HSD17B2: variants seen among roughly 807,000 people sequenced by gnomAD.
HSD17B2 encodes the protein hydroxysteroid 17-beta dehydrogenase 2.
A neutral mutation model predicts 26.9 loss-of-function variants in HSD17B2; 32 were observed. The observed-to-expected ratio is 1.19, with a 90% confidence interval of 0.90 to 1.60. HSD17B2 has a LOEUF of 1.60. HSD17B2 is among the 40% of genes most tolerant of loss of function. The probability of loss-of-function intolerance (pLI) is 0.00; values close to 1 mark genes in which losing one functional copy is unlikely to be tolerated. For synonymous variants in HSD17B2, 246 were observed against 186.7 expected, an observed-to-expected ratio of 1.32 and a Z score of -2.59; for missense variants, 613 against 468.6, an observed-to-expected ratio of 1.31 and a Z score of -2.85.
At chr16:82,084,471 T>C (rs1288276463) in intron 3 of HSD17B2, among the ~76,000 whole-genome samples, 2 of 152,160 alleles carry the variant, frequency 1.3e-5, no homozygotes, top group South Asian at 2.1e-4. Flanking sequence ...TACTGGTATA[T>C]AGGAAATATC....
At chr16:82,079,686 C>G (rs1209424799) in intron 3 of HSD17B2, among the ~76,000 whole-genome samples, 1 of 152,094 alleles carries the variant, frequency 6.6e-6, no homozygotes, top group Non-Finnish European at 1.5e-5. Flanking sequence ...GGCTCTCTAG[C>G]ACTTACTGGA....
intron 1 of HSD17B2, among the ~76,000 whole-genome samples, chr16:82,061,180 C>A (rs1042451653): frequency 6.6e-6 from 1 of 151,896 alleles, no homozygotes; most frequent in Non-Finnish European, 1.5e-5. Context: ...ATTGCTTGAA[C>A]CCAGGAGGCA....
At chr16:82,051,101 T>A (rs559844283) in intron 1 of HSD17B2, among the ~76,000 whole-genome samples, 16 of 152,338 alleles carry the variant, frequency 1.1e-4, no homozygotes, top group African/African-American at 3.6e-4. Flanking sequence ...TCAATCTTCA[T>A]ATCCTATTTG....
chr16:82,050,928 A>G (rs1914087658), intron 1 of HSD17B2, among the ~76,000 whole-genome samples: 1 of 152,224 alleles, frequency 6.6e-6, no homozygotes, highest in Non-Finnish European at 1.5e-5. Flanking sequence ...ACTGGATGAC[A>G]CAATAATCTG....
Position 82,068,107 on chromosome 16 carries a change from G to C in HSD17B2, c.266-63G>C, listed in dbSNP as rs1458049780. 4 of 1,370,736 alleles carry C rather than the reference G, an allele frequency of 2.9e-6. No homozygotes were observed. The African/African-American group carries it at 4.3e-5, about 15-fold the overall frequency. The allele number at this position is 1,370,736 out of a possible 1,614,324, so 84.9% of individuals were successfully genotyped here. A position where few individuals can be genotyped will look rare whatever the true frequency, so the allele number is the denominator to read the frequency against. Reference sequence around the variant, plus strand: ...GTAAACAACGTAATATGTTTTCCTTGTTAAATATTTTCTCCTGTCACTCTG... The same window carrying C: ...GTAAACAACGTAATATGTTTTCCTTCTTAAATATTTTCTCCTGTCACTCTG... On this transcript the variant is annotated intron_variant, in intron 1 of 4. Transcript: ENST00000199936.
intron 4 of HSD17B2, chr16:82,093,570 T>G (rs1904752983): frequency 6.6e-6 from 1 of 152,228 alleles, no homozygotes; most frequent in South Asian, 2.1e-4. Flanking sequence ...GTACATGTAC[T>G]TTGGTTTTTG....
intron 1 of HSD17B2, among the ~76,000 whole-genome samples, chr16:82,059,340 C>A (rs1914365293): frequency 6.6e-6 from 1 of 152,170 alleles, no homozygotes. Flanking sequence ...AAAATGTTTC[C>A]AGACATTGCC....
intron 3 of HSD17B2, among the ~76,000 whole-genome samples, chr16:82,087,966 C>T (rs541019892): frequency 6.6e-6 from 1 of 152,182 alleles, no homozygotes; most frequent in African/African-American, 2.4e-5. Flanking sequence ...CACCTCCTAA[C>T]ACTGTTTCAT....
At chr16:82,093,371 C>A (rs1904747316) in intron 4 of HSD17B2, 1 of 152,150 alleles carries the variant, frequency 6.6e-6, no homozygotes, top group Non-Finnish European at 1.5e-5. Context: ...TGTATGTATC[C>A]TTTTGTGTCT....
chr16:82,062,837 A>G (rs975982463), intron 1 of HSD17B2, among the ~76,000 whole-genome samples: 2 of 152,184 alleles, frequency 1.3e-5, no homozygotes, highest in Admixed American at 6.5e-5. Flanking sequence ...GGAGTATACA[A>G]TTATTTTCCC....
At chr16:82,043,338 G>T (rs544699468) in intron 1 of HSD17B2, among the ~76,000 whole-genome samples, 2 of 152,248 alleles carry the variant, frequency 1.3e-5, no homozygotes, top group African/African-American at 2.4e-5. Flanking sequence ...ATATTGGGGG[G>T]AAAGGGGTGA....
intron 3 of HSD17B2, among the ~76,000 whole-genome samples, chr16:82,086,322 G>T (rs144440135): frequency 6.6e-6 from 1 of 152,142 alleles, no homozygotes. Context: ...ACTGATACAC[G>T]CTACAACATG....
intron 1 of HSD17B2, among the ~76,000 whole-genome samples, chr16:82,055,975 T>A (rs532943637): frequency 5.3e-5 from 8 of 152,184 alleles, no homozygotes; most frequent in Non-Finnish European, 7.3e-5. Flanking sequence ...GGGTTTGTCA[T>A]CTCTGTTGTA....
intron 1 of HSD17B2, among the ~76,000 whole-genome samples, chr16:82,054,913 T>A (rs976402035): frequency 2.0e-5 from 3 of 152,210 alleles, no homozygotes; most frequent in Non-Finnish European, 4.4e-5. Flanking sequence ...AAACTCATGG[T>A]CTTCCCCATG....
In HSD17B2 at chr16:82,080,007, C is replaced by G. The variant is rs72829176; in HGVS notation, c.664+8880C>G. On this transcript the variant is annotated intron_variant, in intron 3 of 4. Coordinates refer to ENST00000199936, the MANE Select transcript of HSD17B2 (RefSeq NM_002153.3). Reference sequence around the variant, plus strand: ...AGAAGCACGTGGTTGCCCTGACCCACCAGATTGTCTTGAGTCTGGCACCTC... The same window carrying G: ...AGAAGCACGTGGTTGCCCTGACCCAGCAGATTGTCTTGAGTCTGGCACCTC... Among the ~76,000 whole-genome samples, 981 of 152,266 alleles carry G rather than the reference C, an allele frequency of 6.4e-3. 9 individuals are homozygous for G. The highest frequency in any genetic ancestry group is 0.01 in the Non-Finnish European group (702 of 68,030).
chr16:82,050,514 C>A (rs373800085), intron 1 of HSD17B2, among the ~76,000 whole-genome samples: 1 of 152,128 alleles, frequency 6.6e-6, no homozygotes, highest in African/African-American at 2.4e-5. Context: ...TTGTTCTCTG[C>A]AGAGTAGGTT....
intron 1 of HSD17B2, among the ~76,000 whole-genome samples, chr16:82,046,742 T>C (rs1056810175): frequency 1.3e-5 from 2 of 152,138 alleles, no homozygotes; most frequent in African/African-American, 4.8e-5. Context: ...CACAGTATAC[T>C]CAATACCCCT....
intron 1 of HSD17B2, among the ~76,000 whole-genome samples, chr16:82,058,361 G>A (rs910625995): frequency 6.6e-6 from 1 of 152,108 alleles, no homozygotes; most frequent in Non-Finnish European, 1.5e-5. Context: ...GTGAGCTACC[G>A]CACCCAGCCA....
At chr16:82,044,717 G>A (rs1020403029) in intron 1 of HSD17B2, 2 of 152,338 alleles carry the variant, frequency 1.3e-5, no homozygotes, top group Non-Finnish European at 2.9e-5. Flanking sequence ...GAGGAGGGTA[G>A]AGGAGCCAGA....
Sources: allele counts gnomAD v4.1 joint callset (sites outside exome capture counted in the v4.1 genomes callset), GRCh38; gene constraint gnomAD v4.1.1; transcripts MANE v1.5; gene names NCBI Gene and HGNC (gene_info 2026-07-23, HGNC 2026-07-21).